Variants in LARGE1 observed in about 807,000 individuals in gnomAD.
The protein encoded by LARGE1 is xylosyl- and glucuronyltransferase LARGE1.
Under a neutral mutation model 87.6 loss-of-function variants are expected in LARGE1, and 43 were observed. That is an observed-to-expected ratio of 0.49 (90% confidence interval 0.38 to 0.63). LARGE1 has a LOEUF of 0.63. LARGE1 is among the 30% of genes least tolerant of loss of function. LARGE1 has a pLI of 0.00. For synonymous variants in LARGE1, 434 were observed against 394.6 expected (o/e 1.10, Z -1.18); for missense variants, 802 against 1,000.2 (o/e 0.80, Z 2.67).
At chr22:33,137,376 A>G in the LARGE1 span, 1 of 153,062 alleles carries the variant, frequency 6.5e-6, no homozygotes, top group Middle Eastern at 3.4e-3. Flanking sequence ...AGAAATTTCT[A>G]AGCAGCAAAG....
intron 6 of LARGE1, among the ~76,000 whole-genome samples, chr22:33,444,771 A>T (rs536484843): frequency 5.6e-4 from 85 of 152,294 alleles, no homozygotes; most frequent in African/African-American, 1.9e-3. Flanking sequence ...CTATATCAGA[A>T]TCAGAGTCTA....
chr22:33,837,833 C>T (rs1451995375), intron 1 of LARGE1, among the ~76,000 whole-genome samples: 1 of 152,228 alleles, frequency 6.6e-6, no homozygotes, highest in African/African-American at 2.4e-5. Context: ...CCACTTATCC[C>T]AGTACACTGA....
intron 5 of LARGE1, chr22:33,572,296 A>G (rs2148825870): frequency 2.5e-6 from 2 of 797,586 alleles, no homozygotes; most frequent in African/African-American, 1.8e-5. Context: ...CTATATGTTC[A>G]GAGTATAATT....
chr22:33,576,516 A>G (rs1029912071), intron 5 of LARGE1, among the ~76,000 whole-genome samples: 1 of 152,032 alleles, frequency 6.6e-6, no homozygotes, highest in African/African-American at 2.4e-5. Flanking sequence ...CTTTGGTGCT[A>G]TTGTTCTAGT....
intron 10 of LARGE1, among the ~76,000 whole-genome samples, chr22:33,325,546 A>G (rs1937167732): frequency 6.6e-6 from 1 of 152,178 alleles, no homozygotes; most frequent in East Asian, 1.9e-4. Context: ...AATCATGAAC[A>G]CCCATGTGGA....
At chr22:33,696,988 A>T (rs1384589342) in intron 2 of LARGE1, among the ~76,000 whole-genome samples, 1 of 152,042 alleles carries the variant, frequency 6.6e-6, no homozygotes, top group Non-Finnish European at 1.5e-5. Context: ...CCTTACATAC[A>T]TCAAAAGCCA....
chr22:33,193,742 C>T (rs138537495), intron 11 of LARGE1, among the ~76,000 whole-genome samples: 2,118 of 151,940 alleles, frequency 0.014, 53 homozygotes, highest in African/African-American at 0.047. Flanking sequence ...TGCTTGAACC[C>T]GGAAGGCAGA....
At chr22:33,660,958 G>A (rs981505135) in intron 2 of LARGE1, among the ~76,000 whole-genome samples, 5 of 151,786 alleles carry the variant, frequency 3.3e-5, no homozygotes, top group South Asian at 2.1e-4. Context: ...AGAGTGAGGC[G>A]AATCACACGT....
the LARGE1 span, among the ~76,000 whole-genome samples, chr22:33,101,869 T>C: frequency 1.3e-5 from 2 of 152,226 alleles, no homozygotes; most frequent in Non-Finnish European, 2.9e-5. Context: ...AGCAAATTTA[T>C]GTTTCTGTGA....
intron 1 of LARGE1, among the ~76,000 whole-genome samples, chr22:33,903,059 G>A (rs140262604): frequency 6.6e-6 from 1 of 152,320 alleles, no homozygotes; most frequent in African/African-American, 2.4e-5. Context: ...TTGAACCCGG[G>A]AGGCGGAGGT....
At chr22:33,130,282 C>T in the LARGE1 span, among the ~76,000 whole-genome samples, 1 of 133,390 alleles carries the variant, frequency 7.5e-6, no homozygotes, top group African/African-American at 3.0e-5. Flanking sequence ...CCACTGCACT[C>T]CAGCCTGGGC....
chr22:33,254,885 ATC>A (rs1386784492), intron 11 of LARGE1, among the ~76,000 whole-genome samples: 1 of 151,202 alleles, frequency 6.6e-6, no homozygotes, highest in Non-Finnish European at 1.5e-5. Context: ...AGGAGCTCAT[ATC>A]TAATAATCTC....
chr22:33,429,444 G>A (rs1002836802), intron 7 of LARGE1, among the ~76,000 whole-genome samples: 2 of 152,162 alleles, frequency 1.3e-5, no homozygotes, highest in Admixed American at 6.5e-5. Flanking sequence ...GGTGGTTTAC[G>A]TGCTCCTGTG....
intron 1 of LARGE1, among the ~76,000 whole-genome samples, chr22:33,781,543 CAA>C (rs1601601451): frequency 6.6e-6 from 1 of 152,096 alleles, no homozygotes; most frequent in Non-Finnish European, 1.5e-5. Context: ...CTAGTGAAAG[CAA>C]AGAGGAAAGA....
chr22:33,382,233 T>C (rs1018108782), intron 8 of LARGE1, among the ~76,000 whole-genome samples, 189 bp from the exon 9 acceptor site: 4 of 152,132 alleles, frequency 2.6e-5, no homozygotes, highest in African/African-American at 9.7e-5. Context: ...AATGTTTGGA[T>C]AGAGACGGGG....
chr22:33,509,106 C>T (rs776221134), intron 6 of LARGE1, among the ~76,000 whole-genome samples: 5 of 152,212 alleles, frequency 3.3e-5, no homozygotes, highest in East Asian at 1.9e-4. Context: ...TAAAATGATC[C>T]GCCTAACCCA....
chr22:33,809,745 AAT>A, intron 1 of LARGE1, among the ~76,000 whole-genome samples: 1 of 152,286 alleles, frequency 6.6e-6, no homozygotes, highest in East Asian at 1.9e-4. Context: ...AAAAATAACC[AAT>A]GAGATATTTT....
intron 6 of LARGE1, among the ~76,000 whole-genome samples, chr22:33,553,186 T>C (rs1049031229): frequency 1.3e-5 from 2 of 152,154 alleles, no homozygotes; most frequent in African/African-American, 4.8e-5. Context: ...TAGAGGTATG[T>C]AGACAGCCAT....
chr22:33,077,367 A>T, the LARGE1 span, among the ~76,000 whole-genome samples: 2 of 152,156 alleles, frequency 1.3e-5, no homozygotes, highest in Admixed American at 6.6e-5. Flanking sequence ...TACTTTTGGC[A>T]CTCAGATTTA....
Sources: allele counts gnomAD v4.1 joint callset (sites outside exome capture counted in the v4.1 genomes callset), GRCh38; gene constraint gnomAD v4.1.1; transcripts MANE v1.5; gene names NCBI Gene and HGNC (gene_info 2026-07-23, HGNC 2026-07-21).